Variants in CECR2 observed in about 807,000 individuals in gnomAD.
The protein encoded by CECR2 is CECR2 histone acetyl-lysine reader, also known as chromatin remodeling regulator CECR2.
CECR2 carries 30 observed loss-of-function variants against 154.5 expected under a neutral mutation model. That is an observed-to-expected ratio of 0.19 (90% CI 0.15 to 0.26). The LOEUF is 0.26. Among genes scored for constraint, CECR2 ranks in the 10% least tolerant of loss-of-function variants. CECR2 has a pLI of 1.00. For missense variants in CECR2, 1,743 were observed against 1,829.3 expected, an observed-to-expected ratio of 0.95 and a Z score of 0.86; for synonymous variants, 725 against 683.7, an observed-to-expected ratio of 1.06 and a Z score of -0.94.
intron 5 of CECR2, among the ~76,000 whole-genome samples, chr22:17,502,183 C>A (rs1298018737): frequency 3.3e-5 from 5 of 152,200 alleles, no homozygotes; most frequent in Admixed American, 3.3e-4. Context: ...GAGGTAGGCA[C>A]TATTAATAGC....
chr22:17,483,775 A>G (rs1168640874), intron 2 of CECR2, among the ~76,000 whole-genome samples: 1 of 152,196 alleles, frequency 6.6e-6, no homozygotes, highest in Non-Finnish European at 1.5e-5. Flanking sequence ...CAGCATTTAG[A>G]AAGTTTACAG....
At chr22:17,507,095 G>C (rs565144535) in intron 7 of CECR2, among the ~76,000 whole-genome samples, 11 of 152,304 alleles carry the variant, frequency 7.2e-5, no homozygotes, top group African/African-American at 2.6e-4. Context: ...TGAAGAGAAA[G>C]TATTTGTAAA....
chr22:17,402,636 T>G (rs948379460), intron 1 of CECR2, among the ~76,000 whole-genome samples: 4 of 152,234 alleles, frequency 2.6e-5, no homozygotes, highest in East Asian at 3.8e-4. Flanking sequence ...CTTATAATCA[T>G]GGTAAATTTG....
At chr22:17,466,126 A>G (rs1001818948) in intron 1 of CECR2, among the ~76,000 whole-genome samples, 3 of 151,776 alleles carry the variant, frequency 2.0e-5, no homozygotes, top group Non-Finnish European at 4.4e-5. Flanking sequence ...CAGGGTTTAA[A>G]TTTTTAGTAG....
At chr22:17,452,812 G>A (rs181421824) in intron 1 of CECR2, among the ~76,000 whole-genome samples, 10 of 152,250 alleles carry the variant, frequency 6.6e-5, no homozygotes, top group African/African-American at 1.4e-4. Context: ...TTCTTCAAGC[G>A]CTGAAGAAGG....
At chr22:17,510,157 C>T (rs2146919081) in intron 7 of CECR2, among the ~76,000 whole-genome samples, 1 of 152,280 alleles carries the variant, frequency 6.6e-6, no homozygotes, top group South Asian at 2.1e-4. Flanking sequence ...CGTTCTGTAT[C>T]AAGAATAGCA....
intron 1 of CECR2, among the ~76,000 whole-genome samples, chr22:17,422,218 G>A (rs2054266243): frequency 6.6e-6 from 1 of 151,652 alleles, no homozygotes; most frequent in African/African-American, 2.4e-5. Context: ...TTTGTTTTGA[G>A]ACGGAGTCTC....
intron 1 of CECR2, among the ~76,000 whole-genome samples, chr22:17,446,682 C>T (rs143784198): frequency 0.041 from 6,182 of 152,216 alleles, 326 homozygotes; most frequent in African/African-American, 0.12. Flanking sequence ...TGCCACTGCA[C>T]TCCAGCCTGG....
chr22:17,504,967 T>C lies in CECR2; in HGVS notation c.821T>C (p.Leu274Pro), dbSNP rs1326749458. The C allele has an allele frequency of 6.2e-7, 1 of 1,613,428 alleles. No individual in the cohort carries two copies. Among genetic ancestry groups the C allele is most frequent in the Non-Finnish European group, 8.5e-7 (1 of 1,179,798 alleles). The change falls in exon 7 of 19, where the codon CTC becomes CCC. Residue 274 changes from leucine (L) to proline (P), a missense_variant. Physicochemically the swap from Leu to Pro is moderately conservative, Grantham distance 98. Transcript: ENST00000262608. ...CTTCGAGAACGGCAGCTCTACAAGC[T>C]CCTCAGTGAGGACTTCCTGCCTGAG... is the stretch of plus-strand genomic sequence containing the variant. Reference protein sequence around the residue: ...TSLRERQLYKLLSEDFLPEIC... With the variant: ...TSLRERQLYKPLSEDFLPEIC...
chr22:17,418,432 C>A (rs935444806), intron 1 of CECR2, among the ~76,000 whole-genome samples: 1 of 152,162 alleles, frequency 6.6e-6, no homozygotes, highest in Non-Finnish European at 1.5e-5. Flanking sequence ...GTAGTAGCCC[C>A]ACAGGTACTG....
chr22:17,421,114 A>T lies in CECR2; in HGVS notation c.126+51205A>T, dbSNP rs79103322. Reference sequence around the variant, plus strand: ...AATTTTTTTTTTAAGTTTTTATTTTAGCCTCATTCATTCTCCAGTGCTGTT... The same window carrying T: ...AATTTTTTTTTTAAGTTTTTATTTTTGCCTCATTCATTCTCCAGTGCTGTT... On this transcript the variant is annotated intron_variant, in intron 1 of 18. Transcript: ENST00000262608. Among the ~76,000 whole-genome samples, 982 of 152,152 alleles carry T rather than the reference A, an allele frequency of 6.5e-3. 10 individuals carry two copies. The highest frequency in any genetic ancestry group is 0.022 in the African/African-American group (904 of 41,488).
chr22:17,493,794 G>T (rs2055572744), intron 2 of CECR2, among the ~76,000 whole-genome samples: 1 of 152,212 alleles, frequency 6.6e-6, no homozygotes, highest in Non-Finnish European at 1.5e-5. Flanking sequence ...TTTGTGGGCT[G>T]GTATGCCTGT....
intron 1 of CECR2, chr22:17,419,788 T>C: frequency 3.4e-6 from 1 of 294,342 alleles, no homozygotes; most frequent in Non-Finnish European, 6.6e-6. Flanking sequence ...AGAGAGGCAT[T>C]GGTCAAAAAA....
At position 17,475,598 on chromosome 22, in the gene CECR2, C is replaced by T. The variant is rs138361915; in HGVS notation, c.127-1990C>T. ...ATGCACCACCACACCCGGCTAGTTT[C>T]TACATCTTTAAATTGAGAGAATGGA... On this transcript the variant is annotated intron_variant, in intron 1 of 18. Coordinates refer to ENST00000262608, the MANE Select transcript of CECR2 (RefSeq NM_001290047.2). Among the ~76,000 whole-genome samples, 154 of 152,230 alleles carry T rather than the reference C, an allele frequency of 1.0e-3. 1 individual carries two copies. Among genetic ancestry groups the T allele is most frequent in the African/African-American group, 3.7e-3 (154 of 41,544 alleles).
chr22:17,506,347 G>A (rs1040966000), intron 7 of CECR2, among the ~76,000 whole-genome samples: 1 of 150,830 alleles, frequency 6.6e-6, no homozygotes, highest in African/African-American at 2.4e-5. Flanking sequence ...GGCTGGTCCT[G>A]AACTCCTGGG....
At chr22:17,551,605 G>A (rs1004164658) in intron 17 of CECR2, among the ~76,000 whole-genome samples, 25 of 152,228 alleles carry the variant, frequency 1.6e-4, no homozygotes, top group African/African-American at 6.0e-4. Context: ...AAGCTCAGGA[G>A]TTCGAGACCA....
intron 1 of CECR2, among the ~76,000 whole-genome samples, chr22:17,395,621 C>G (rs5747098): frequency 0.081 from 12,324 of 152,238 alleles, 589 homozygotes; most frequent in East Asian, 0.17. Flanking sequence ...GCTGGGATTA[C>G]AGGGGTGAGC....
chr22:17,425,457 A>T (rs765574471), intron 1 of CECR2, among the ~76,000 whole-genome samples: 3 of 152,166 alleles, frequency 2.0e-5, no homozygotes, highest in Non-Finnish European at 2.9e-5. Context: ...TTAGGTGCTG[A>T]GTATAGGAAG....
intron 1 of CECR2, among the ~76,000 whole-genome samples, chr22:17,428,785 A>G (rs2054371207): frequency 1.1e-5 from 1 of 93,212 alleles, no homozygotes; most frequent in African/African-American, 5.8e-5. Context: ...GATGAGAAAA[A>G]TAATGTTTTT....
Sources: gnomAD v4.1 joint callset for allele counts (sites outside exome capture counted in the v4.1 genomes callset) on GRCh38, gnomAD v4.1.1 for gene constraint, MANE v1.5 for transcripts, NCBI Gene and HGNC (gene_info 2026-07-23, HGNC 2026-07-21) for gene names.